The following PRIM2 variants were observed in gnomAD, a reference collection of about 807,000 sequenced individuals.
PRIM2 encodes DNA primase subunit 2.
Under a neutral mutation model 67.3 loss-of-function variants are expected in PRIM2, and 39 were observed. The observed-to-expected ratio is 0.58, with a 90% CI of 0.45 to 0.76. The LOEUF is 0.76. Ranked by LOEUF, PRIM2 falls within the 30% of genes least tolerant of loss-of-function variation. The probability of loss-of-function intolerance (pLI) is 0.00; values close to 1 mark genes in which losing one functional copy is unlikely to be tolerated. For missense variants in PRIM2, 398 were observed against 598.7 expected, an observed-to-expected ratio of 0.66 and a Z score of 3.50; for synonymous variants, 143 against 198.7, an observed-to-expected ratio of 0.72 and a Z score of 2.36.
chr6:57,393,645 T>C (rs1215283033), intron 7 of PRIM2, among the ~76,000 whole-genome samples: 1 of 152,198 alleles, frequency 6.6e-6, no homozygotes, highest in African/African-American at 2.4e-5. Context: ...CCTTTTGCCA[T>C]GTGAAAGCTC....
At chr6:57,316,869 C>T (rs571373767), upstream of PRIM2, among the ~76,000 whole-genome samples, 1 of 152,230 alleles carries the variant, frequency 6.6e-6, no homozygotes, top group African/African-American at 2.4e-5. Flanking sequence ...AGGCTGGGTT[C>T]TTCTAATTCC....
the PRIM2 span, among the ~76,000 whole-genome samples, chr6:57,274,151 A>G: frequency 6.6e-6 from 1 of 152,196 alleles, no homozygotes; most frequent in South Asian, 2.1e-4. Context: ...CTCTCTTCAA[A>G]GCTGTCAGAC....
the PRIM2 span, among the ~76,000 whole-genome samples, chr6:57,285,790 A>G: frequency 9.2e-5 from 14 of 152,222 alleles, 1 homozygote; most frequent in African/African-American, 3.4e-4. Context: ...AAATAAAGGT[A>G]TTCAAATAGG....
chr6:57,542,954 T>TTTTTTTTTTTTTTTTA (rs1775199550), intron 10 of PRIM2, among the ~76,000 whole-genome samples: 1 of 120,164 alleles, frequency 8.3e-6, no homozygotes. Flanking sequence ...TTTTTTTTTT[T>TTTTTTTTTTTTTTTTA]TTTTGAGACG....
chr6:57,261,556 G>A, the PRIM2 span, among the ~76,000 whole-genome samples: 1 of 152,252 alleles, frequency 6.6e-6, no homozygotes, highest in East Asian at 1.9e-4. Flanking sequence ...AGCAAAACAG[G>A]ACAAGACTAG....
chr6:57,565,806 A>G (rs1366483419), intron 10 of PRIM2, among the ~76,000 whole-genome samples: 1 of 152,258 alleles, frequency 6.6e-6, no homozygotes, highest in Non-Finnish European at 1.5e-5. Flanking sequence ...TCTTAAAAAA[A>G]ATAGACACTT....
the PRIM2 span, among the ~76,000 whole-genome samples, chr6:57,270,809 C>A: frequency 6.6e-6 from 1 of 152,106 alleles, no homozygotes; most frequent in Non-Finnish European, 1.5e-5. Context: ...CCCATCAATA[C>A]CTAATTTATT....
intron 7 of PRIM2, among the ~76,000 whole-genome samples, chr6:57,482,915 T>A (rs1182776414): frequency 3.3e-5 from 5 of 152,132 alleles, no homozygotes; most frequent in African/African-American, 1.2e-4. Flanking sequence ...GTAGATTTTT[T>A]TTTGTTGTTG....
At chr6:57,644,688 G>A (rs1368790394) in intron 13 of PRIM2, among the ~76,000 whole-genome samples, 2 of 152,194 alleles carry the variant, frequency 1.3e-5, no homozygotes, top group African/African-American at 2.4e-5. Context: ...AGAGTGAGAC[G>A]TAAAAGGATT....
intron 7 of PRIM2, among the ~76,000 whole-genome samples, chr6:57,384,882 A>G (rs1581850212): frequency 6.6e-6 from 1 of 152,210 alleles, no homozygotes; most frequent in East Asian, 1.9e-4. Context: ...AAATTCTTTT[A>G]CTTTTGGGTT....
chr6:57,576,367 G>A (rs1347211349), intron 10 of PRIM2, among the ~76,000 whole-genome samples: 1 of 151,794 alleles, frequency 6.6e-6, no homozygotes, highest in Non-Finnish European at 1.5e-5. Flanking sequence ...TCATTCAAAG[G>A]GGGGATAGTG....
chr6:57,510,003 C>T (rs1301563007), intron 8 of PRIM2, among the ~76,000 whole-genome samples: 13 of 151,724 alleles, frequency 8.6e-5, no homozygotes, highest in Non-Finnish European at 1.6e-4. Context: ...TCAAACATTA[C>T]CTCTTCTGAT....
chr6:57,525,511 G>C (rs1554349277), intron 8 of PRIM2, among the ~76,000 whole-genome samples: 4 of 151,958 alleles, frequency 2.6e-5, no homozygotes, highest in African/African-American at 7.2e-5. Flanking sequence ...ATCTTCCTTT[G>C]ATCCCAGACT....
At chr6:57,402,796 C>T (rs538429162) in intron 7 of PRIM2, among the ~76,000 whole-genome samples, 1 of 152,292 alleles carries the variant, frequency 6.6e-6, no homozygotes, top group East Asian at 1.9e-4. Flanking sequence ...AATATTACCC[C>T]TGCCCACAGA....
intron 7 of PRIM2, among the ~76,000 whole-genome samples, chr6:57,420,049 A>C (rs62401677): frequency 3.4e-4 from 52 of 151,984 alleles, no homozygotes; most frequent in African/African-American, 1.2e-3. Flanking sequence ...TGGTGGCAGC[A>C]GTGTCTTTTT....
intron 8 of PRIM2, among the ~76,000 whole-genome samples, chr6:57,514,209 A>G (rs1774433167): frequency 6.6e-6 from 1 of 152,178 alleles, no homozygotes; most frequent in African/African-American, 2.4e-5. Flanking sequence ...TTATTTTTCT[A>G]AAGAATATGC....
chr6:57,382,131 T>G lies in PRIM2; in HGVS notation c.656T>G (p.Leu219Arg), dbSNP rs773472485. ...CTTAAGGACATTGTGGCAATCATCC[T>G]GAATGAATTTAGAGCCAAACTGTCC... ...VPLKDIVAII[L>R]NEFRAKLSKA... The change falls in exon 7 of 14, where the codon CTG becomes CGG. Residue 219 changes from leucine (L) to arginine (R), a missense_variant. Leu to Arg is a moderately radical substitution (Grantham distance 102). Around this residue, in one of 4 missense-constraint regions of PRIM2, gnomAD observed 229 missense variants for 383.6 expected, o/e 0.60. Transcript: ENST00000615550. 2.5e-6 allele frequency: 4 copies of G among 1,613,328 alleles called. No homozygotes were observed. The highest frequency in any genetic ancestry group is 3.4e-6 in the Non-Finnish European group (4 of 1,179,520).
At chr6:57,266,108 A>G in the PRIM2 span, among the ~76,000 whole-genome samples, 2 of 152,190 alleles carry the variant, frequency 1.3e-5, no homozygotes, top group Non-Finnish European at 2.9e-5. Context: ...GAAAACTGCA[A>G]TTTGCTTGGC....
chr6:57,505,226 A>G (rs1234044053), intron 7 of PRIM2: 82 of 152,344 alleles, frequency 5.4e-4, no homozygotes, highest in African/African-American at 1.9e-3. Context: ...TTGAAAAGAA[A>G]ACCTTTGGAA....
Sources: gnomAD v4.1 joint callset for allele counts (sites outside exome capture counted in the v4.1 genomes callset) on GRCh38, gnomAD v4.1.1 for gene constraint, gnomAD v4.1.1 regional missense constraint, MANE v1.5 for transcripts, NCBI Gene and HGNC (gene_info 2026-07-23, HGNC 2026-07-21) for gene names.